Variants in IFT56 observed in about 807,000 individuals in gnomAD.
The protein encoded by IFT56 is intraflagellar transport protein 56.
the IFT56 span, among the ~76,000 whole-genome samples, chr7:139,166,027 C>T: frequency 4.6e-5 from 7 of 152,104 alleles, no homozygotes; most frequent in East Asian, 3.9e-4. Flanking sequence ...GCGTGATCTC[C>T]GCTCACCGCA....
chr7:139,144,254 A>G, the IFT56 span, among the ~76,000 whole-genome samples: 2 of 152,088 alleles, frequency 1.3e-5, no homozygotes, highest in East Asian at 3.9e-4. Context: ...TTTTTTTCTC[A>G]GTGTAGAGTT....
At chr7:139,134,443 G>C in the IFT56 span, among the ~76,000 whole-genome samples, 2 of 151,950 alleles carry the variant, frequency 1.3e-5, no homozygotes, top group African/African-American at 4.8e-5. Flanking sequence ...GCTAATTTTT[G>C]TATTTTTAGT....
the IFT56 span, chr7:139,178,198 T>C: frequency 1.2e-6 from 2 of 1,601,662 alleles, no homozygotes; most frequent in Non-Finnish European, 1.7e-6. Context: ...TGGGGTTTTT[T>C]TCCCCTCCGT....
At chr7:139,141,265 A>G in the IFT56 span, among the ~76,000 whole-genome samples, 2,457 of 152,022 alleles carry the variant, frequency 0.016, 73 homozygotes, top group African/African-American at 0.056. Context: ...TGAAAAAAAA[A>G]AAAAAAAGAC....
At chr7:139,174,317 C>T in the IFT56 span, 3 of 555,468 alleles carry the variant, frequency 5.4e-6, no homozygotes, top group African/African-American at 5.7e-5. Context: ...TGCTGGGCCA[C>T]ACTGGAGGAG....
At chr7:139,164,770 A>C in the IFT56 span, among the ~76,000 whole-genome samples, 1 of 152,234 alleles carries the variant, frequency 6.6e-6, no homozygotes, top group South Asian at 2.1e-4. Context: ...AGATAAAGAA[A>C]TATACAATAA....
the IFT56 span, chr7:139,181,070 A>C: frequency 6.7e-7 from 1 of 1,483,734 alleles, no homozygotes; most frequent in Non-Finnish European, 9.3e-7. Context: ...ATTTGTTTAC[A>C]AATCTTTGTT....
At chr7:139,137,976 T>C in the IFT56 span, 1 of 1,257,200 alleles carries the variant, frequency 8.0e-7, no homozygotes, top group South Asian at 1.3e-5. Flanking sequence ...AACAGAACTG[T>C]GTTTAAAATG....
chr7:139,179,449 C>A, the IFT56 span: 2 of 666,200 alleles, frequency 3.0e-6, no homozygotes, highest in Non-Finnish European at 5.3e-6. Flanking sequence ...CTTTTCTTAG[C>A]AGCCTGTATA....
the IFT56 span, chr7:139,137,878 A>T: frequency 1.4e-5 from 22 of 1,613,630 alleles, no homozygotes; most frequent in Non-Finnish European, 1.9e-5. Flanking sequence ...GAAGAAGAGG[A>T]TACTAATTTG....
chr7:139,183,043 G>T, the IFT56 span, among the ~76,000 whole-genome samples: 1 of 152,158 alleles, frequency 6.6e-6, no homozygotes, highest in Admixed American at 6.6e-5. Flanking sequence ...TCAGGGTTTG[G>T]AATTGCGGGG....
chr7:139,167,622 A>G, the IFT56 span, among the ~76,000 whole-genome samples: 2 of 152,152 alleles, frequency 1.3e-5, no homozygotes, highest in Non-Finnish European at 2.9e-5. Context: ...GAAAAGGATT[A>G]CTAGCAAAGA....
At chr7:139,181,892 G>A in the IFT56 span, among the ~76,000 whole-genome samples, 1 of 152,142 alleles carries the variant, frequency 6.6e-6, no homozygotes, top group African/African-American at 2.4e-5. Flanking sequence ...TCAAAATACG[G>A]TTATGAAGTA....
At chr7:139,171,819 T>C in the IFT56 span, among the ~76,000 whole-genome samples, 7 of 152,208 alleles carry the variant, frequency 4.6e-5, no homozygotes, top group Admixed American at 1.3e-4. Context: ...GTTTTTGTTT[T>C]CTTTCAAACA....
chr7:139,174,968 C>T, the IFT56 span, among the ~76,000 whole-genome samples: 1 of 151,812 alleles, frequency 6.6e-6, no homozygotes, highest in African/African-American at 2.4e-5. Flanking sequence ...TTGCAGTGAG[C>T]CGAGGTCACA....
the IFT56 span, among the ~76,000 whole-genome samples, chr7:139,179,103 G>C: frequency 6.6e-6 from 1 of 152,146 alleles, no homozygotes; most frequent in African/African-American, 2.4e-5. Flanking sequence ...CTCTGGGCTG[G>C]GCGAGCTGGC....
chr7:139,178,704 C>A, the IFT56 span: 1 of 1,031,772 alleles, frequency 9.7e-7, no homozygotes, highest in Admixed American at 2.0e-5. Flanking sequence ...TTAAAGATTC[C>A]TCTGTTCTTA....
the IFT56 span, chr7:139,174,416 A>G: frequency 2.5e-6 from 1 of 400,998 alleles, no homozygotes; most frequent in South Asian, 1.9e-5. Flanking sequence ...CAGTAACAAC[A>G]AAGCACGCGT....
chr7:139,149,926 GATAC>G, the IFT56 span, among the ~76,000 whole-genome samples: 1 of 151,918 alleles, frequency 6.6e-6, no homozygotes, highest in African/African-American at 2.4e-5. Flanking sequence ...GATATAGGTA[GATAC>G]ATACATAGAT....
Sources: gnomAD v4.1 joint callset for allele counts (sites outside exome capture counted in the v4.1 genomes callset) on GRCh38, gnomAD v4.1.1 for gene constraint, MANE v1.5 for transcripts, NCBI Gene and HGNC (gene_info 2026-07-23, HGNC 2026-07-21) for gene names.